ATF2: variants seen among roughly 807,000 people sequenced by gnomAD.
The protein encoded by ATF2 is cyclic AMP-dependent transcription factor ATF-2.
In ATF2, 24 loss-of-function variants were observed where a neutral mutation model predicts 60.6. The observed-to-expected ratio is 0.40, with a 90% confidence interval of 0.29 to 0.56. The LOEUF (loss-of-function observed/expected upper bound fraction) is 0.56, where lower values mean the gene tolerates loss of function less well. Among genes scored for constraint, ATF2 ranks in the 20% least tolerant of loss-of-function variants. The pLI, the probability that ATF2 is intolerant of heterozygous loss-of-function variation, is 0.54. For missense variants in ATF2, 433 were observed against 607.7 expected (o/e 0.71, Z 3.02); for synonymous variants, 206 against 215.4 (o/e 0.96, Z 0.38).
intron 10 of ATF2, among the ~76,000 whole-genome samples, chr2:175,108,009 C>A (rs183474203): frequency 6.6e-6 from 1 of 150,482 alleles, no homozygotes; most frequent in African/African-American, 2.4e-5. Flanking sequence ...AAGTGAGGAG[C>A]GTCTCTGCCT....
chr2:175,101,784 T>A (rs1048583675), intron 10 of ATF2, among the ~76,000 whole-genome samples: 1 of 152,218 alleles, frequency 6.6e-6, no homozygotes. Context: ...GAAGCTCTAA[T>A]GTTTGCTCCA....
intron 1 of ATF2, among the ~76,000 whole-genome samples, chr2:175,155,965 A>AGGGG (rs1699650420): frequency 2.0e-5 from 3 of 152,242 alleles, no homozygotes; most frequent in Non-Finnish European, 2.9e-5. Context: ...TTTCAGGAGT[A>AGGGG]TATGAGTGTA....
intron 10 of ATF2, among the ~76,000 whole-genome samples, chr2:175,100,875 C>T (rs145838829): frequency 0.053 from 8,117 of 152,218 alleles, 249 homozygotes; most frequent in East Asian, 0.12. Flanking sequence ...AGGGTGGATG[C>T]GTCAGGTTAT....
intron 12 of ATF2, among the ~76,000 whole-genome samples, chr2:175,092,160 A>C (rs1367565429): frequency 6.6e-6 from 1 of 152,204 alleles, no homozygotes; most frequent in Admixed American, 6.5e-5. Context: ...ACTGTTTCCT[A>C]ACCATTTAAA....
intron 10 of ATF2, among the ~76,000 whole-genome samples, chr2:175,110,026 T>A (rs1334097987): frequency 6.6e-6 from 1 of 152,190 alleles, no homozygotes; most frequent in Admixed American, 6.5e-5. Context: ...TTGTCTGCAC[T>A]AATGGAGAAT....
At chr2:175,113,411 C>T (rs1696338127) in intron 9 of ATF2, among the ~76,000 whole-genome samples, 1 of 151,996 alleles carries the variant, frequency 6.6e-6, no homozygotes, top group Admixed American at 6.6e-5. Flanking sequence ...CATGAGTTGC[C>T]ATGCCTGGCC....
rs564877020 is a variant in ATF2 at position 175,160,992 on chromosome 2, C to T, written c.-143+7058G>A. Among the ~76,000 whole-genome samples, 33 of 152,198 alleles carry T rather than the reference C, an allele frequency of 2.2e-4. No homozygotes were observed. The South Asian group carries it at 6.2e-3, about 29-fold the overall frequency. Reference sequence around the variant, plus strand: ...GGTGGAAGCCGCAGTGAGACTTAGTCGCATCACTGCACTCCAACCTGCATG... The same window carrying T: ...GGTGGAAGCCGCAGTGAGACTTAGTTGCATCACTGCACTCCAACCTGCATG... On this transcript the variant is annotated intron_variant, in intron 1 of 13. Transcript: ENST00000264110.
intron 1 of ATF2, among the ~76,000 whole-genome samples, chr2:175,165,266 G>GT (rs974999300): frequency 3.3e-5 from 5 of 152,104 alleles, no homozygotes; most frequent in African/African-American, 1.2e-4. Flanking sequence ...TGAAAATCTG[G>GT]TTTTCATAAG....
chr2:175,127,569 A>C (rs1697421584), intron 4 of ATF2, among the ~76,000 whole-genome samples: 1 of 151,940 alleles, frequency 6.6e-6, no homozygotes, highest in South Asian at 2.1e-4. Flanking sequence ...TTATCATAGG[A>C]TATGTCTTTT....
chr2:175,116,149 C>A (rs1225309812), intron 7 of ATF2, among the ~76,000 whole-genome samples: 1 of 152,024 alleles, frequency 6.6e-6, no homozygotes, highest in Non-Finnish European at 1.5e-5. Flanking sequence ...AAGCAGGTGA[C>A]ATATTTAATG....
intron 1 of ATF2, among the ~76,000 whole-genome samples, chr2:175,156,633 G>T (rs1393425935): frequency 2.0e-5 from 3 of 152,090 alleles, no homozygotes; most frequent in Non-Finnish European, 4.4e-5. Flanking sequence ...TAGCCAGTAA[G>T]GAAAGAGGGA....
Position 175,113,138 on chromosome 2 carries a change from T to C in ATF2, c.741+856A>G, listed in dbSNP as rs530031117. Among the ~76,000 whole-genome samples, 7 of 152,312 alleles carry C rather than the reference T, an allele frequency of 4.6e-5. No homozygotes were observed. The South Asian group carries it at 1.4e-3, about 32-fold the overall frequency. ...AAAAAGTGGTTCTCAGGATGAAAAT[T>C]TGAATGTCAAAGACATAACTGAAGA... On this transcript the variant is annotated intron_variant, in intron 9 of 13. Transcript: ENST00000264110.
At chr2:175,092,250 A>G (rs899585723) in intron 12 of ATF2, among the ~76,000 whole-genome samples, 4 of 152,244 alleles carry the variant, frequency 2.6e-5, no homozygotes, top group Admixed American at 1.3e-4. Context: ...GATTATACAG[A>G]AAGATTCACT....
At chr2:175,088,065 T>C (rs1291215954) in intron 12 of ATF2, among the ~76,000 whole-genome samples, 1 of 152,186 alleles carries the variant, frequency 6.6e-6, no homozygotes, top group Non-Finnish European at 1.5e-5. Flanking sequence ...GTTACAACAC[T>C]GTTCTATACC....
At position 175,119,166 on chromosome 2, in the gene ATF2, T is replaced by C. The variant is rs561220791; in HGVS notation, c.200-797A>G. Reference sequence around the variant, plus strand: ...AAAAAATGCCAGGTAAGATTTACACTGAATGAAAAGCAAGAAACTTATAAA... The same window carrying C: ...AAAAAATGCCAGGTAAGATTTACACCGAATGAAAAGCAAGAAACTTATAAA... On this transcript the variant is annotated intron_variant, in intron 5 of 13. Transcript: ENST00000264110. Among the ~76,000 whole-genome samples the C allele has an allele frequency of 6.6e-5, 10 of 151,814 alleles. No individual in the cohort carries two copies. In the East Asian group the frequency reaches 1.4e-3, roughly 20 times the overall value.
chr2:175,155,975 A>G (rs1444498159), intron 1 of ATF2, among the ~76,000 whole-genome samples: 1 of 152,228 alleles, frequency 6.6e-6, no homozygotes, highest in African/African-American at 2.4e-5. Context: ...ATATGAGTGT[A>G]TTAGGCAGAA....
At chr2:175,076,315 T>C (rs542095284) in intron 13 of ATF2, among the ~76,000 whole-genome samples, 1 of 152,052 alleles carries the variant, frequency 6.6e-6, no homozygotes, top group Non-Finnish European at 1.5e-5. Flanking sequence ...TACCCCTAGA[T>C]ACTTGACCTC....
At chr2:175,155,853 GA>G (rs1699639239) in intron 1 of ATF2, among the ~76,000 whole-genome samples, 1 of 152,150 alleles carries the variant, frequency 6.6e-6, no homozygotes, top group East Asian at 1.9e-4. Context: ...GGTGTATCTG[GA>G]AAAAACAGAA....
chr2:175,093,736 GC>G (rs1228735954), intron 11 of ATF2, among the ~76,000 whole-genome samples: 1 of 151,992 alleles, frequency 6.6e-6, no homozygotes, highest in Non-Finnish European at 1.5e-5. Context: ...CACATTAAAT[GC>G]CAATTTTCTT....
Sources: gnomAD v4.1 joint callset for allele counts (sites outside exome capture counted in the v4.1 genomes callset) on GRCh38, gnomAD v4.1.1 for gene constraint, MANE v1.5 for transcripts, NCBI Gene and HGNC (gene_info 2026-07-23, HGNC 2026-07-21) for gene names.